ABR: variants seen among roughly 807,000 people sequenced by gnomAD.
ABR encodes ABR activator of RhoGEF and GTPase, also known as active breakpoint cluster region-related protein.
ABR carries 35 observed loss-of-function variants against 107.2 expected under a neutral mutation model. The observed-to-expected ratio is 0.33, with a 90% CI of 0.25 to 0.43. The LOEUF (loss-of-function observed/expected upper bound fraction) is 0.43. ABR is among the 20% of genes least tolerant of loss of function. ABR has a pLI of 1.00. For missense variants in ABR, 815 were observed against 1,115.2 expected (o/e 0.73, Z 3.83); for synonymous variants, 498 against 462.0 (o/e 1.08, Z -1.00).
At chr17:1,144,924 C>T (rs532124210) in intron 1 of ABR, among the ~76,000 whole-genome samples, 19 of 152,168 alleles carry the variant, frequency 1.2e-4, no homozygotes, top group African/African-American at 4.6e-4. Context: ...GAGGCTGTGG[C>T]AGGAGAATCA....
At chr17:1,204,092 C>G (rs1046766897) in intron 1 of ABR, among the ~76,000 whole-genome samples, 1 of 152,212 alleles carries the variant, frequency 6.6e-6, no homozygotes, top group Non-Finnish European at 1.5e-5. Context: ...CCCGCAGAAG[C>G]CACCACCAGG....
chr17:1,034,724 G>A (rs1395311352), intron 16 of ABR, among the ~76,000 whole-genome samples: 1 of 152,072 alleles, frequency 6.6e-6, no homozygotes, highest in Non-Finnish European at 1.5e-5. Flanking sequence ...TGCTCTCCAC[G>A]TTTGCGCCAC....
intron 1 of ABR, among the ~76,000 whole-genome samples, chr17:1,162,469 C>G (rs1466091188): frequency 6.6e-6 from 1 of 152,212 alleles, no homozygotes; most frequent in Non-Finnish European, 1.5e-5. Context: ...GGATGTGGTA[C>G]CCCCAGCTCC....
chr17:1,021,599 A>T (rs572213128), intron 16 of ABR, among the ~76,000 whole-genome samples: 220 of 150,956 alleles, frequency 1.5e-3, no homozygotes, highest in African/African-American at 3.6e-3. Flanking sequence ...AGGTCAGGAG[A>T]TCGAGACCAA....
chr17:1,062,031 C>A (rs1395156012), intron 10 of ABR, among the ~76,000 whole-genome samples: 1 of 152,194 alleles, frequency 6.6e-6, no homozygotes, highest in Non-Finnish European at 1.5e-5. Flanking sequence ...GGCACCCAAC[C>A]AAGACTGTGG....
intron 1 of ABR, among the ~76,000 whole-genome samples, chr17:1,141,346 G>T (rs2040276505): frequency 6.6e-6 from 1 of 152,150 alleles, no homozygotes; most frequent in Non-Finnish European, 1.5e-5. Flanking sequence ...AAGGGCAGAG[G>T]CTTTGGAATC....
At chr17:1,195,849 C>T (rs973546792) in intron 1 of ABR, among the ~76,000 whole-genome samples, 1 of 146,642 alleles carries the variant, frequency 6.8e-6, no homozygotes, top group Non-Finnish European at 1.5e-5. Context: ...CGCCTGTAAT[C>T]CCAGAACTTT....
At chr17:1,042,331 T>A (rs1055551784) in intron 16 of ABR, among the ~76,000 whole-genome samples, 5 of 147,456 alleles carry the variant, frequency 3.4e-5, no homozygotes, top group Non-Finnish European at 6.0e-5. Flanking sequence ...CACAAACGGA[T>A]GAATAAACAG....
At chr17:1,059,083 G>A (rs1034110320) in intron 10 of ABR, among the ~76,000 whole-genome samples, 1 of 152,100 alleles carries the variant, frequency 6.6e-6, no homozygotes, top group Admixed American at 6.5e-5. Flanking sequence ...GATGCCCTAT[G>A]AGCACAGCTT....
At chr17:1,056,838 C>T (rs1324252056) in intron 13 of ABR, among the ~76,000 whole-genome samples, 160 bp downstream of exon 13, 1 of 152,218 alleles carries the variant, frequency 6.6e-6, no homozygotes, top group African/African-American at 2.4e-5. Context: ...TAGACAGTCA[C>T]CCCTACCCAA....
chr17:1,217,646 C>T (rs1424109363), intron 1 of ABR, among the ~76,000 whole-genome samples: 2 of 152,186 alleles, frequency 1.3e-5, no homozygotes, highest in Non-Finnish European at 2.9e-5. Flanking sequence ...AGTGGCAGAG[C>T]CGTGAATCGA....
At chr17:1,098,066 TTTTC>T (rs1296867322) in intron 3 of ABR, among the ~76,000 whole-genome samples, 1 of 149,588 alleles carries the variant, frequency 6.7e-6, no homozygotes. Flanking sequence ...AAGCCAGCAG[TTTTC>T]TTTTCTTTTT....
upstream of ABR, among the ~76,000 whole-genome samples, chr17:1,190,786 C>G (rs369117604): frequency 5.3e-5 from 8 of 152,360 alleles, no homozygotes; most frequent in African/African-American, 1.9e-4. Context: ...GCTGGTTGCT[C>G]ACGGTATGCT....
intron 1 of ABR, among the ~76,000 whole-genome samples, chr17:1,204,185 C>T (rs2042744009): frequency 6.6e-6 from 1 of 152,250 alleles, no homozygotes; most frequent in Admixed American, 6.5e-5. Flanking sequence ...TGGCTCAGGC[C>T]TGTCATCCCA....
At chr17:1,009,117 T>C (rs1164414250) in intron 21 of ABR, among the ~76,000 whole-genome samples, 1 of 152,132 alleles carries the variant, frequency 6.6e-6, no homozygotes, top group African/African-American at 2.4e-5. Context: ...TCTATGTAAC[T>C]GAAAAGCAGC....
intron 1 of ABR, chr17:1,125,712 G>T (rs753171506): frequency 3.1e-6 from 1 of 321,906 alleles, no homozygotes; most frequent in Non-Finnish European, 5.6e-6. Flanking sequence ...CAAGAGGCAG[G>T]ACGCTTCCAA....
chr17:1,185,121 G>A (rs556554322), intron 1 of ABR: 15 of 152,334 alleles, frequency 9.8e-5, no homozygotes, highest in Middle Eastern at 3.4e-3. Context: ...ACACGAGGGA[G>A]GCAGGCAGCG....
intron 1 of ABR, among the ~76,000 whole-genome samples, chr17:1,215,269 C>A (rs1336315827): frequency 6.6e-6 from 1 of 151,780 alleles, no homozygotes; most frequent in African/African-American, 2.4e-5. Context: ...TCTCTCTCCA[C>A]GGTCTCCCTC....
In ABR at chr17:1,021,020, G is replaced by C. The variant is rs377285053; in HGVS notation, c.1792-7856C>G. 2.0e-3 allele frequency among the ~76,000 whole-genome samples: 298 copies of C among 152,158 alleles called. 2 individuals carry two copies. Among genetic ancestry groups the C allele is most frequent in the East Asian group, 0.014 (72 of 5,134 alleles). ...CACTCTCCACTCCAGCACGCAGCTC[G>C]CCCCAAGGTCTTCGGAGATGGTTTC... On this transcript the variant is annotated intron_variant, in intron 16 of 22. Transcript: ENST00000302538.
Sources: gnomAD v4.1 joint callset for allele counts (sites outside exome capture counted in the v4.1 genomes callset) on GRCh38, gnomAD v4.1.1 for gene constraint, MANE v1.5 for transcripts, NCBI Gene and HGNC (gene_info 2026-07-23, HGNC 2026-07-21) for gene names.